KDM1B: variants seen among roughly 807,000 people sequenced by gnomAD.
The protein encoded by KDM1B is lysine demethylase 1B, also known as lysine-specific histone demethylase 2.
A neutral mutation model predicts 107.4 loss-of-function variants in KDM1B; 63 were observed. That is an observed-to-expected ratio of 0.59 (90% confidence interval 0.48 to 0.72). The LOEUF (loss-of-function observed/expected upper bound fraction) is 0.72. Among genes scored for constraint, KDM1B ranks in the 30% least tolerant of loss-of-function variants. The probability of loss-of-function intolerance (pLI) is 0.00; values close to 1 mark genes in which losing one functional copy is unlikely to be tolerated. For synonymous variants in KDM1B, 363 were observed against 363.9 expected (o/e 1.00, Z 0.03); for missense variants, 749 against 1,020.8 (o/e 0.73, Z 3.63).
At position 18,197,845 on chromosome 6, in the gene KDM1B, A is replaced by G. The variant is rs1178902972; in HGVS notation, c.1221+184A>G. Among the ~76,000 whole-genome samples, 1 of 152,124 alleles carries G rather than the reference A, an allele frequency of 6.6e-6. No homozygotes were observed. The highest frequency in any genetic ancestry group is 2.4e-5 in the African/African-American group (1 of 41,410). ...TTTCATAAGAAAAAGGTAAATAGAAATTCTCACAGCTTTGGAGATAATTTT... is the reference window on the plus strand; with the variant it reads ...TTTCATAAGAAAAAGGTAAATAGAAGTTCTCACAGCTTTGGAGATAATTTT... On this transcript the variant is annotated intron_variant, in intron 12 of 21. Transcript: ENST00000650836. The surrounding 1 kb of genome is among the most constrained non-coding windows in gnomAD (Gnocchi z 4.5).
Position 18,197,205 on chromosome 6 carries a change from A to G in KDM1B, c.1118A>G (p.Gln373Arg), listed in dbSNP as rs1264111366. The G allele has an allele frequency of 6.2e-7, 1 of 1,614,098 alleles. No homozygotes were observed. The highest frequency in any genetic ancestry group is 8.5e-7 in the Non-Finnish European group (1 of 1,179,982). ...GGAGTTCTCAGCGTGGGAGCCGACC[A>G]GTATCTTCTCCCTAAGGACTACCAC... ...NTGVLSVGAD[Q>R]YLLPKDYHNK... Residue 373 changes from glutamine (Q) to arginine (R), a missense_variant, in exon 11 of 22, where the codon CAG (glutamine) becomes CGG (arginine). By Grantham distance (43) the Gln-to-Arg change is conservative. Transcript: ENST00000650836. This position sits in a 1 kb window ranked among gnomAD's most constrained non-coding sequence, Gnocchi z 4.5.
At chr6:18,199,102 G>A (rs1010988386) in intron 12 of KDM1B, among the ~76,000 whole-genome samples, 2 of 151,830 alleles carry the variant, frequency 1.3e-5, no homozygotes, top group African/African-American at 4.8e-5. Flanking sequence ...AGAGGCTGAG[G>A]TGGGAGGATC....
chr6:18,184,663 A>G (rs1450265016), intron 7 of KDM1B, among the ~76,000 whole-genome samples: 1 of 146,504 alleles, frequency 6.8e-6, no homozygotes, highest in Non-Finnish European at 1.5e-5. Context: ...GCAGCATGCC[A>G]TTGTTTGACT....
At chr6:18,192,038 C>G (rs550352320) in intron 10 of KDM1B, among the ~76,000 whole-genome samples, 4 of 152,030 alleles carry the variant, frequency 2.6e-5, no homozygotes, top group Non-Finnish European at 1.5e-5. Flanking sequence ...GCAGGAGGAT[C>G]GCTTGAGCCT....
intron 12 of KDM1B, among the ~76,000 whole-genome samples, chr6:18,199,284 T>C (rs947806511): frequency 3.3e-5 from 5 of 151,998 alleles, no homozygotes; most frequent in African/African-American, 1.2e-4. Context: ...AAGTGAAGAA[T>C]GTAAGTTTGA....
intron 10 of KDM1B, among the ~76,000 whole-genome samples, chr6:18,194,985 T>C (rs1278418580): frequency 6.6e-6 from 1 of 152,184 alleles, no homozygotes; most frequent in East Asian, 1.9e-4. Flanking sequence ...ACGAATCTAC[T>C]CTCTATCTGT....
At chr6:18,198,997 T>C (rs59637318) in intron 12 of KDM1B, among the ~76,000 whole-genome samples, 2 of 112,298 alleles carry the variant, frequency 1.8e-5, no homozygotes, top group Admixed American at 2.4e-4. Flanking sequence ...GGCAAAACCC[T>C]GTCTCTACCA....
intron 4 of KDM1B, among the ~76,000 whole-genome samples, chr6:18,161,752 G>C (rs75186717): frequency 1.2e-4 from 18 of 152,026 alleles, no homozygotes; most frequent in Non-Finnish European, 2.5e-4. Flanking sequence ...GGTGTATGTC[G>C]TGGTGAGACA....
chr6:18,177,808 C>T (rs140721200), intron 7 of KDM1B, among the ~76,000 whole-genome samples: 1 of 152,224 alleles, frequency 6.6e-6, no homozygotes, highest in African/African-American at 2.4e-5. Context: ...TTAATTGGGA[C>T]ATAGCCATGC....
chr6:18,185,754 C>G lies in KDM1B; in HGVS notation c.535-18C>G, dbSNP rs375457179. On this transcript the variant is annotated intron_variant, in intron 7 of 21. Transcript: ENST00000650836. ...TTTTATAAGCAACCCTAATTTAACA[C>G]TTGGTTTTCTTTTGTAGCCTGAGAC... is the stretch of plus-strand genomic sequence containing the variant. The G allele has an allele frequency of 1.9e-6, 3 of 1,611,536 alleles. No individual in the cohort carries two copies. Among genetic ancestry groups the G allele is most frequent in the East Asian group, 2.2e-5 (1 of 44,836 alleles).
intron 14 of KDM1B, among the ~76,000 whole-genome samples, chr6:18,202,677 A>G (rs376863501): frequency 3.9e-5 from 6 of 152,166 alleles, no homozygotes; most frequent in African/African-American, 1.4e-4. Flanking sequence ...CTTCAACTGT[A>G]TGTTTCTTTG....
rs1561926925 is a variant in KDM1B, at chr6:18,185,822, C to CT, written c.573+12_573+13insT. The CT allele has an allele frequency of 1.2e-6, 2 of 1,612,892 alleles. No homozygotes were observed. Among genetic ancestry groups the CT allele is most frequent in the Non-Finnish European group, 8.5e-7 (1 of 1,179,060 alleles). On this transcript the variant is annotated intron_variant, in intron 8 of 21. Transcript: ENST00000650836. ...TCCCAGAGGATCTAGTGAGTATTTC[C>CT]GGATGGTGTGGATTGGGGTTAATTG...
chr6:18,158,208 A>G (rs1384730625), intron 2 of KDM1B, among the ~76,000 whole-genome samples: 1 of 151,816 alleles, frequency 6.6e-6, no homozygotes, highest in Admixed American at 6.6e-5. Context: ...AAAGAACTAT[A>G]GTGCATTTCA....
rs564962773 is a variant in KDM1B at position 18,173,498 on chromosome 6, A to G, written c.534+2019A>G. 3.9e-5 allele frequency among the ~76,000 whole-genome samples: 6 copies of G among 152,184 alleles called. No individual in the cohort carries two copies. In the South Asian group the frequency reaches 1.0e-3, roughly 26 times the overall value. ...ATAGGTCTTTTATGAGGAATTTTCC[A>G]TTTTGAAGTGTAGTTTATTCACTTT... On this transcript the variant is annotated intron_variant, in intron 7 of 21. Coordinates refer to ENST00000650836, the MANE Select transcript of KDM1B (RefSeq NM_001364614.2).
chr6:18,216,832 A>G (rs780133659), intron 20 of KDM1B, among the ~76,000 whole-genome samples: 2 of 152,248 alleles, frequency 1.3e-5, no homozygotes, highest in Non-Finnish European at 2.9e-5. Flanking sequence ...TACCTAATGT[A>G]TAAATGAAAC....
At position 18,191,119 on chromosome 6, in the gene KDM1B, G is replaced by T; in HGVS notation, c.785-78G>T. ...TGGAGCTTGTCTAGGCTTACTTTTTGGTTTGCTTTTGCCCTTTAATTCTTC... is the reference window on the plus strand; with the variant it reads ...TGGAGCTTGTCTAGGCTTACTTTTTTGTTTGCTTTTGCCCTTTAATTCTTC... On this transcript the variant is annotated intron_variant, in intron 9 of 21. Transcript: ENST00000650836. This position sits in a 1 kb window ranked among gnomAD's most constrained non-coding sequence, Gnocchi z 5.1. The T allele has an allele frequency of 1.0e-5, 13 of 1,281,386 alleles. No homozygotes were observed. In the Admixed American group the frequency reaches 1.4e-4, roughly 14 times the overall value. The allele number at this position is 1,281,386 out of a possible 1,614,324, so 79.4% of individuals were successfully genotyped here.
rs1336093781 is a variant in KDM1B at position 18,201,323 on chromosome 6, C to T, written c.1360-163C>T. Among the ~76,000 whole-genome samples the T allele has an allele frequency of 6.6e-6, 1 of 152,038 alleles. No individual in the cohort carries two copies. Among genetic ancestry groups the T allele is most frequent in the Non-Finnish European group, 1.5e-5 (1 of 68,002 alleles). On this transcript the variant is annotated intron_variant, in intron 13 of 21. Coordinates refer to ENST00000650836, the MANE Select transcript of KDM1B (RefSeq NM_001364614.2). This position sits in a 1 kb window ranked among gnomAD's most constrained non-coding sequence, Gnocchi z 4.3. ...GTAGATTTCATGCTGTTTTTTTTCA[C>T]TGCCTGACTTTGCTGCCATTCCCCG...
Position 18,200,534 on chromosome 6 carries a change from C to G in KDM1B, c.1317C>G (p.Val439=). The G allele has an allele frequency of 6.2e-7, 1 of 1,613,786 alleles. No homozygotes were observed. The highest frequency in any genetic ancestry group is 8.5e-7 in the Non-Finnish European group (1 of 1,179,740). Residue 439 remains valine, a synonymous_variant, in exon 13 of 22, where the codon GTC becomes GTG. Transcript: ENST00000650836. The surrounding 1 kb of genome is among the most constrained non-coding windows in gnomAD (Gnocchi z 4.3). Reference sequence around the variant, plus strand: ...CAGTGGGAAGAGGAGCTCAGATTGTCAATGGGTGTATTAACAACCCAGTAG... The same window carrying G: ...CAGTGGGAAGAGGAGCTCAGATTGTGAATGGGTGTATTAACAACCCAGTAG... ...GVTVGRGAQI[V]NGCINNPVAL... is the part of the protein sequence containing the mutation.
Position 18,191,366 on chromosome 6 carries a change from G to A in KDM1B, c.954G>A (p.Trp318Ter). ...LALRNLILAL[W>*]YTNCKEALTP... ...TGAGAAACCTCATCCTCGCACTGTG[G>A]TATACTAACTGCAAAGTAAGTAAGG... The change falls in exon 10 of 22, where the codon TGG (tryptophan) becomes TGA (stop). Residue 318 changes from tryptophan (W) to a stop codon, truncating the protein, a stop_gained. Coordinates refer to ENST00000650836, the MANE Select transcript of KDM1B (RefSeq NM_001364614.2). LOFTEE classifies it high-confidence loss of function. This position sits in a 1 kb window ranked among gnomAD's most constrained non-coding sequence, Gnocchi z 5.1. 6.4e-7 allele frequency: 1 copy of A among 1,551,010 alleles called. No individual in the cohort carries two copies. The highest frequency in any genetic ancestry group is 8.7e-7 in the Non-Finnish European group (1 of 1,147,062).
Sources: gnomAD v4.1 joint callset for allele counts (sites outside exome capture counted in the v4.1 genomes callset) on GRCh38, gnomAD v4.1.1 for gene constraint, Gnocchi (gnomAD v3.1) non-coding constraint, MANE v1.5 for transcripts, NCBI Gene and HGNC (gene_info 2026-07-23, HGNC 2026-07-21) for gene names.